Variants in NAA25 observed in about 807,000 individuals in gnomAD.
NAA25 encodes N-terminal acetyltransferase B complex subunit NAA25.
In NAA25, 30 loss-of-function variants were observed where a neutral mutation model predicts 132.5. That is an observed-to-expected ratio of 0.23 (90% CI 0.17 to 0.31). The LOEUF is 0.31. NAA25 is among the 10% of genes least tolerant of loss of function. The pLI is 1.00. For missense variants in NAA25, 771 were observed against 1,150.4 expected (o/e 0.67, Z 4.77); for synonymous variants, 359 against 401.9 (o/e 0.89, Z 1.28).
In NAA25 at chr12:112,090,787, A is replaced by G; in HGVS notation, c.222T>C (p.Leu74=). ...AFTLAQEVAA[L]EPTDDNSLQA... ...GCAGTGAGTTGTCATCTGTGGGTTC[A>G]AGGGCTGCCACCTCCTGTGCAAGAG... is the stretch of plus-strand genomic sequence containing the variant. Residue 74 remains leucine (L), a synonymous_variant, in exon 3 of 24, where the codon CTT becomes CTC. Coordinates refer to ENST00000261745, the MANE Select transcript of NAA25 (RefSeq NM_024953.4). The G allele has an allele frequency of 6.2e-7, 1 of 1,614,074 alleles. No individual in the cohort carries two copies. Among genetic ancestry groups the G allele is most frequent in the Non-Finnish European group, 8.5e-7 (1 of 1,179,964 alleles).
At chr12:112,095,323 G>C (rs564474680) in intron 1 of NAA25, among the ~76,000 whole-genome samples, 1 of 152,012 alleles carries the variant, frequency 6.6e-6, no homozygotes, top group Non-Finnish European at 1.5e-5. Flanking sequence ...TGTAGTCCCA[G>C]CTACTCGTGA....
In NAA25 at chr12:112,053,386, A is replaced by G. The variant is rs533901906; in HGVS notation, c.1728+172T>C. Among the ~76,000 whole-genome samples the G allele has an allele frequency of 4.6e-5, 7 of 152,246 alleles. 1 individual carries two copies. The highest frequency in any genetic ancestry group is 1.4e-4 in the African/African-American group (6 of 41,554). ...AACACGCCCATTCTAACAAACACAA[A>G]TAACTCTCTACCTCTCCCTACCAGC... On this transcript the variant is annotated intron_variant, in intron 15 of 23. Transcript: ENST00000261745.
chr12:112,044,040 G>A (rs1331423441), intron 17 of NAA25, among the ~76,000 whole-genome samples, 172 bp from the exon 18 acceptor site: 1 of 150,098 alleles, frequency 6.7e-6, no homozygotes, highest in Non-Finnish European at 1.5e-5. Context: ...CCATTCTCCT[G>A]CCTCAGCCTC....
At chr12:112,034,893 T>C (rs2078203675) in intron 22 of NAA25, 1 of 151,880 alleles carries the variant, frequency 6.6e-6, no homozygotes, top group Non-Finnish European at 1.5e-5. Context: ...TAGCAGCATA[T>C]TTATAATATT....
intron 7 of NAA25, among the ~76,000 whole-genome samples, chr12:112,076,980 A>G (rs570654775): frequency 6.2e-4 from 94 of 152,002 alleles, no homozygotes; most frequent in African/African-American, 2.2e-3. Context: ...TGGCTAACAG[A>G]GCAAGGCCCT....
At chr12:112,086,795 T>C (rs1326353685) in intron 4 of NAA25, among the ~76,000 whole-genome samples, 1 of 152,080 alleles carries the variant, frequency 6.6e-6, no homozygotes, top group Non-Finnish European at 1.5e-5. Flanking sequence ...GCAGATCACC[T>C]GAGGTCGGGA....
At chr12:112,054,705 T>G (rs982123206) in intron 13 of NAA25, 137 bp from the exon 14 acceptor site, 1 of 767,740 alleles carries the variant, frequency 1.3e-6, no homozygotes, top group African/African-American at 1.8e-5. Context: ...ATTTTAGATA[T>G]ACACCTGTAA....
rs2078333933 is a variant in NAA25 at position 112,043,714 on chromosome 12, A to C, written c.2161T>G (p.Ser721Ala). The C allele has an allele frequency of 6.2e-7, 1 of 1,614,042 alleles. No homozygotes were observed. ...NSEKTAENGVSSRIDILRLLL... is the reference protein window; with the variant it reads ...NSEKTAENGVASRIDILRLLL... ...AAACGAAGAATATCAATCCGGGAGG[A>C]TACCCCATTCTCGGCAGTCTTCTCC... Residue 721 changes from serine to alanine, a missense_variant, in exon 18 of 24, where the codon TCC becomes GCC. Physicochemically the swap from Ser to Ala is moderately conservative, Grantham distance 99 (BLOSUM62 1). Transcript: ENST00000261745.
chr12:112,047,578 C>A, intron 17 of NAA25, 87 bp downstream of exon 17: 1 of 1,471,200 alleles, frequency 6.8e-7, no homozygotes, highest in South Asian at 1.3e-5. Flanking sequence ...GAGTTCGAAG[C>A]TGCAGTGAGC....
intron 9 of NAA25, among the ~76,000 whole-genome samples, chr12:112,073,249 T>C (rs2078841615): frequency 7.0e-6 from 1 of 142,548 alleles, no homozygotes; most frequent in African/African-American, 2.6e-5. Flanking sequence ...AAAACAAAAA[T>C]TAAAAATTAA....
At chr12:112,053,510 G>A in intron 15 of NAA25, 48 bp downstream of exon 15, 1 of 1,313,854 alleles carries the variant, frequency 7.6e-7, no homozygotes, top group Non-Finnish European at 1.1e-6. Flanking sequence ...CCTCAATAGT[G>A]TGCAGTCAGC....
chr12:112,051,730 C>CA (rs1396759681), intron 15 of NAA25, among the ~76,000 whole-genome samples: 5 of 151,912 alleles, frequency 3.3e-5, no homozygotes, highest in African/African-American at 1.2e-4. Context: ...AACAAAGATA[C>CA]AAAAAAAACT....
chr12:112,069,726 A>G (rs1223206972), intron 10 of NAA25, among the ~76,000 whole-genome samples: 1 of 151,620 alleles, frequency 6.6e-6, no homozygotes, highest in Non-Finnish European at 1.5e-5. Context: ...AGGCTGAGGC[A>G]GGAGAACTGT....
intron 13 of NAA25, among the ~76,000 whole-genome samples, chr12:112,058,538 C>T (rs2078578990): frequency 6.6e-6 from 1 of 152,136 alleles, no homozygotes; most frequent in South Asian, 2.1e-4. Context: ...CTCTGTCACC[C>T]AGGCTGGAGT....
chr12:112,048,010 G>A (rs1240099612), intron 16 of NAA25, among the ~76,000 whole-genome samples: 1 of 152,136 alleles, frequency 6.6e-6, no homozygotes, highest in Non-Finnish European at 1.5e-5. Flanking sequence ...ATTAATTCCT[G>A]AAATCTCTTG....
chr12:112,042,162 A>T lies in NAA25; in HGVS notation c.2375-58T>A, dbSNP rs769608911. 6 of 860,908 alleles carry T rather than the reference A, an allele frequency of 7.0e-6. No homozygotes were observed. In the Admixed American group the frequency reaches 2.4e-4, roughly 34 times the overall value. 53.3% of individuals were successfully genotyped at this position (860,908 alleles called of 1,614,324 possible). On this transcript the variant is annotated intron_variant, in intron 19 of 23. Transcript: ENST00000261745. ...CAATTCTATTTTTAGTAAGATAAAG[A>T]AGCAAGATAAATACCTGCAAGAAGT...
At position 112,074,865 on chromosome 12, in the gene NAA25, G is replaced by A. The variant is rs2078873107; in HGVS notation, c.777-101C>T. 1.1e-5 allele frequency: 9 copies of A among 807,452 alleles called. No individual in the cohort carries two copies. The Middle Eastern group carries it at 1.6e-3, about 145-fold the overall frequency. The allele number at this position is 807,452 out of a possible 1,614,324, so 50.0% of individuals were successfully genotyped here. A position where few individuals can be genotyped will look rare whatever the true frequency, so the allele number is the denominator to read the frequency against. On this transcript the variant is annotated intron_variant, in intron 8 of 23. Coordinates refer to ENST00000261745, the MANE Select transcript of NAA25 (RefSeq NM_024953.4). The stretch of plus-strand genomic sequence containing the variant: ...AATTTATTTTGTAAGTTATATTTTA[G>A]TATGTAGTAGGTTGGCTTACCCCCA...
In NAA25 at chr12:112,033,364, T is replaced by A. The variant is rs767790120; in HGVS notation, c.2665A>T (p.Ser889Cys). The A allele has an allele frequency of 1.2e-5, 20 of 1,606,060 alleles. No individual in the cohort carries two copies. The highest frequency in any genetic ancestry group is 6.8e-6 in the Non-Finnish European group (8 of 1,177,534). Reference sequence around the variant, plus strand: ...AGCCCAGTAACATAGTCTTGGAAACTGGTAAAGACAGGTGGCTGGGAAAAA... The same window carrying A: ...AGCCCAGTAACATAGTCTTGGAAACAGGTAAAGACAGGTGGCTGGGAAAAA... Reference protein sequence around the residue: ...TSIIMPPVFTSFQDYVTGLQT... With the variant: ...TSIIMPPVFTCFQDYVTGLQT... The change falls in exon 23 of 24, where the codon AGT (serine) becomes TGT (cysteine). Residue 889 changes from serine (S) to cysteine (C), a missense_variant. Coordinates refer to ENST00000261745, the MANE Select transcript of NAA25 (RefSeq NM_024953.4).
intron 23 of NAA25, among the ~76,000 whole-genome samples, chr12:112,032,138 G>T (rs191613324): frequency 0.01 from 1,579 of 151,690 alleles, 10 homozygotes; most frequent in South Asian, 0.016. Flanking sequence ...TAATTTTTTT[G>T]TATTTTTTTA....
Sources: gnomAD v4.1 joint callset for allele counts (sites outside exome capture counted in the v4.1 genomes callset) on GRCh38, gnomAD v4.1.1 for gene constraint, MANE v1.5 for transcripts, NCBI Gene and HGNC (gene_info 2026-07-23, HGNC 2026-07-21) for gene names.